The following ANO4 variants were observed in gnomAD, a reference collection of about 807,000 sequenced individuals.
ANO4 encodes anoctamin 4, also known as anoctamin-4.
In ANO4, 69 loss-of-function variants were observed where a neutral mutation model predicts 141.9. The observed-to-expected ratio is 0.49, with a 90% confidence interval of 0.40 to 0.59. ANO4 has a LOEUF of 0.59. Ranked by LOEUF, ANO4 falls within the 20% of genes least tolerant of loss-of-function variation. ANO4 has a pLI of 0.00. For missense variants in ANO4, 894 were observed against 1,162.2 expected, an observed-to-expected ratio of 0.77 and a Z score of 3.36; for synonymous variants, 350 against 394.3, an observed-to-expected ratio of 0.89 and a Z score of 1.33.
At chr12:100,745,894 A>G (rs2032079934) in intron 3 of ANO4, among the ~76,000 whole-genome samples, 1 of 152,230 alleles carries the variant, frequency 6.6e-6, no homozygotes, top group Non-Finnish European at 1.5e-5. Flanking sequence ...GAAACATCTT[A>G]GAAATAACCT....
intron 1 of ANO4, among the ~76,000 whole-genome samples, chr12:100,897,893 G>A (rs2040419780): frequency 6.6e-6 from 1 of 152,188 alleles, no homozygotes; most frequent in Non-Finnish European, 1.5e-5. Flanking sequence ...AACATTCTGG[G>A]CTTCCAATCT....
At chr12:100,813,478 C>T (rs1257237472) in intron 1 of ANO4, among the ~76,000 whole-genome samples, 1 of 152,178 alleles carries the variant, frequency 6.6e-6, no homozygotes, top group East Asian at 1.9e-4. Context: ...GCAAGGCATC[C>T]TTCTTATCCA....
At chr12:100,871,821 G>A (rs534806494) in intron 1 of ANO4, among the ~76,000 whole-genome samples, 1 of 152,256 alleles carries the variant, frequency 6.6e-6, no homozygotes, top group South Asian at 2.1e-4. Flanking sequence ...GGTTTGGGGT[G>A]GGGGCTCTGC....
chr12:101,090,319 T>C (rs1272437829), intron 17 of ANO4, among the ~76,000 whole-genome samples: 1 of 152,204 alleles, frequency 6.6e-6, no homozygotes, highest in Non-Finnish European at 1.5e-5. Flanking sequence ...TGCAGCACTA[T>C]TCACAATAGC....
At chr12:100,754,413 C>T (rs1406571741) in intron 3 of ANO4, among the ~76,000 whole-genome samples, 1 of 152,120 alleles carries the variant, frequency 6.6e-6, no homozygotes, top group Non-Finnish European at 1.5e-5. Flanking sequence ...TTTTCCCAGT[C>T]TATTCCAACC....
intron 5 of ANO4, among the ~76,000 whole-genome samples, chr12:100,959,616 G>T (rs2043322511): frequency 1.3e-5 from 2 of 152,250 alleles, no homozygotes; most frequent in African/African-American, 2.4e-5. Flanking sequence ...TGCCGTCTCT[G>T]TTATCTTACT....
chr12:100,909,603 A>G, intron 2 of ANO4, among the ~76,000 whole-genome samples: 1 of 152,218 alleles, frequency 6.6e-6, no homozygotes, highest in South Asian at 2.1e-4. Context: ...ATTATGCTGA[A>G]GAGAATTTAG....
At chr12:101,068,060 TG>T (rs1239083758) in intron 14 of ANO4, among the ~76,000 whole-genome samples, 1 of 152,206 alleles carries the variant, frequency 6.6e-6, no homozygotes, top group African/African-American at 2.4e-5. Flanking sequence ...TTGTCTGTAA[TG>T]GATAAACTGG....
rs1041426822 is a variant in ANO4 at position 100,981,108 on chromosome 12, C to T, written c.602+6219C>T. Among the ~76,000 whole-genome samples the T allele has an allele frequency of 3.3e-5, 5 of 152,128 alleles. No individual in the cohort carries two copies. The South Asian group carries it at 8.3e-4, about 25-fold the overall frequency. Reference sequence around the variant, plus strand: ...CATTATACATTCAATGCAGTCACAACTTATCAGATGAGCATACAGGCAAAA... The same window carrying T: ...CATTATACATTCAATGCAGTCACAATTTATCAGATGAGCATACAGGCAAAA... On this transcript the variant is annotated intron_variant, in intron 7 of 27. Coordinates refer to ENST00000392977, the MANE Select transcript of ANO4 (RefSeq NM_001286615.2).
chr12:100,911,665 A>G (rs1240391607), intron 2 of ANO4, among the ~76,000 whole-genome samples: 1 of 152,128 alleles, frequency 6.6e-6, no homozygotes, highest in African/African-American at 2.4e-5. Context: ...ACCAATGTCA[A>G]GGCCTGGTCT....
At chr12:100,809,743 G>A (rs2035282155) in intron 1 of ANO4, among the ~76,000 whole-genome samples, 1 of 152,186 alleles carries the variant, frequency 6.6e-6, no homozygotes, top group Non-Finnish European at 1.5e-5. Context: ...GGAGCAAATT[G>A]TGAGCAAGAA....
intron 3 of ANO4, among the ~76,000 whole-genome samples, chr12:100,765,862 AGTTT>A (rs1024606436): frequency 1.4e-5 from 2 of 138,370 alleles, no homozygotes; most frequent in African/African-American, 6.2e-5. Context: ...CACCTCAACT[AGTTT>A]TTTTTTTTTG....
Position 101,124,829 on chromosome 12 carries a change from T to C in ANO4, c.2677-2050T>C, listed in dbSNP as rs550357364. Among the ~76,000 whole-genome samples the C allele has an allele frequency of 1.6e-4, 24 of 152,332 alleles. No individual in the cohort carries two copies. In the South Asian group the frequency reaches 2.1e-3, roughly 13 times the overall value. ...ATCTCTAATCTGTTCCATTGGTCTA[T>C]GTGTCTGTTTTTGTACTAGTACCAT... On this transcript the variant is annotated intron_variant, in intron 26 of 27. Coordinates refer to ENST00000392977, the MANE Select transcript of ANO4 (RefSeq NM_001286615.2).
rs79082545 is a variant in ANO4, at chr12:100,893,532, C to G, written c.-140-8114C>G. Among the ~76,000 whole-genome samples, 497 of 151,962 alleles carry G rather than the reference C, an allele frequency of 3.3e-3. 8 individuals are homozygous for G. Among genetic ancestry groups the G allele is most frequent in the African/African-American group, 0.012 (484 of 41,388 alleles). On this transcript the variant is annotated intron_variant, in intron 1 of 27. Coordinates refer to ENST00000392977, the MANE Select transcript of ANO4 (RefSeq NM_001286615.2). Reference sequence around the variant, plus strand: ...TCTCCTTCTGGGACCCATGGCTAGTCGGGACATGTGCTTTTTATGATAATA... The same window carrying G: ...TCTCCTTCTGGGACCCATGGCTAGTGGGGACATGTGCTTTTTATGATAATA...
At chr12:101,083,135 T>C (rs901840139) in intron 15 of ANO4, among the ~76,000 whole-genome samples, 9 of 152,158 alleles carry the variant, frequency 5.9e-5, no homozygotes, top group African/African-American at 2.2e-4. Context: ...GAATGACTCC[T>C]ATAGGAACTT....
At chr12:101,048,895 A>G (rs1010721168) in intron 14 of ANO4, among the ~76,000 whole-genome samples, 1 of 152,216 alleles carries the variant, frequency 6.6e-6, no homozygotes, top group South Asian at 2.1e-4. Flanking sequence ...TGATGGAAAC[A>G]GTCAAATATT....
chr12:100,853,956 A>G (rs1264001258), intron 1 of ANO4, among the ~76,000 whole-genome samples: 2 of 152,142 alleles, frequency 1.3e-5, no homozygotes, highest in Admixed American at 6.5e-5. Flanking sequence ...AGTTCTAGGT[A>G]GACTTACCAA....
intron 3 of ANO4, among the ~76,000 whole-genome samples, chr12:100,756,734 G>C (rs371953853): frequency 6.6e-6 from 1 of 152,124 alleles, no homozygotes; most frequent in Non-Finnish European, 1.5e-5. Context: ...CTCTTCAGAC[G>C]TGGGTTCTGT....
At chr12:100,858,621 T>G (rs2038307816) in intron 1 of ANO4, among the ~76,000 whole-genome samples, 1 of 152,194 alleles carries the variant, frequency 6.6e-6, no homozygotes, top group Non-Finnish European at 1.5e-5. Flanking sequence ...TTTGTTTTTA[T>G]TTTCTTTGCC....
Sources: gnomAD v4.1 joint callset for allele counts (sites outside exome capture counted in the v4.1 genomes callset) on GRCh38, gnomAD v4.1.1 for gene constraint, MANE v1.5 for transcripts, NCBI Gene and HGNC (gene_info 2026-07-23, HGNC 2026-07-21) for gene names.